Variants in CAGE1 observed in about 807,000 individuals in gnomAD.
CAGE1 encodes cancer-associated gene 1 protein.
CAGE1 carries 66 observed loss-of-function variants against 94.9 expected under a neutral mutation model. That is an observed-to-expected ratio of 0.70 (90% CI 0.57 to 0.85). The LOEUF is 0.85. Ranked by LOEUF, CAGE1 falls within the 40% of genes least tolerant of loss-of-function variation. The pLI, the probability that CAGE1 is intolerant of heterozygous loss-of-function variation, is 0.00. For missense variants in CAGE1, 865 were observed against 950.4 expected, an observed-to-expected ratio of 0.91 and a Z score of 1.18; for synonymous variants, 319 against 321.0, an observed-to-expected ratio of 0.99 and a Z score of 0.07.
intron 8 of CAGE1, 109 bp from the exon 9 acceptor site, chr6:7,365,684 A>C: frequency 7.1e-7 from 1 of 1,404,766 alleles, no homozygotes; most frequent in Non-Finnish European, 9.8e-7. Flanking sequence ...CAGTGGCTGG[A>C]ATAATAAAAG....
chr6:7,359,138 C>T (rs1466622138), intron 9 of CAGE1, among the ~76,000 whole-genome samples: 1 of 152,158 alleles, frequency 6.6e-6, no homozygotes, highest in African/African-American at 2.4e-5. Flanking sequence ...CCTCCTCCTC[C>T]CAGGTTCAAG....
intron 11 of CAGE1, among the ~76,000 whole-genome samples, chr6:7,345,380 C>T (rs186600913): frequency 6.6e-6 from 1 of 152,110 alleles, no homozygotes; most frequent in East Asian, 1.9e-4. Flanking sequence ...TCAGAAGGAA[C>T]AAACGCCAGA....
intron 9 of CAGE1, among the ~76,000 whole-genome samples, chr6:7,360,126 G>GTAGA (rs1760118352): frequency 6.6e-6 from 1 of 152,172 alleles, no homozygotes; most frequent in Non-Finnish European, 1.5e-5. Context: ...TGACATGTCT[G>GTAGA]GGAAAGGTCC....
At chr6:7,386,049 C>T (rs193166075) in intron 2 of CAGE1, among the ~76,000 whole-genome samples, 177 bp from the exon 3 acceptor site, 13 of 152,278 alleles carry the variant, frequency 8.5e-5, no homozygotes, top group Admixed American at 3.9e-4. Context: ...ACTATGCTAA[C>T]AGAGTCCCAA....
In CAGE1 at chr6:7,373,635, T is replaced by C. The variant is rs777980880; in HGVS notation, c.1184A>G (p.His395Arg). The change falls in exon 5 of 14, where the codon CAT becomes CGT. Residue 395 changes from histidine (H) to arginine (R), a missense_variant. Coordinates refer to ENST00000502583, the MANE Select transcript of CAGE1 (RefSeq NM_001170692.2). The stretch of plus-strand genomic sequence containing the variant: ...CTTGTCATTCCTGGATTCCTGAAGA[T>C]GTTTTTGCGTGTTAGCTAAAACCTC... Reference protein sequence around the residue: ...LEEVLANTQKHLQESRNDKEM... With the variant: ...LEEVLANTQKRLQESRNDKEM... The C allele has an allele frequency of 6.2e-7, 1 of 1,613,342 alleles. No homozygotes were observed.
intron 4 of CAGE1, among the ~76,000 whole-genome samples, chr6:7,378,076 TCTG>T (rs777428978): frequency 3.1e-4 from 47 of 152,374 alleles, no homozygotes; most frequent in Admixed American, 1.3e-3. Flanking sequence ...CAGTGTAAAC[TCTG>T]CTACTTCCAG....
chr6:7,375,901 A>G (rs1232857579), intron 4 of CAGE1, among the ~76,000 whole-genome samples: 18 of 152,182 alleles, frequency 1.2e-4, no homozygotes, highest in Non-Finnish European at 2.9e-5. Flanking sequence ...ACTGAGACCT[A>G]CAAGGCCCTA....
At chr6:7,344,402 C>G (rs2113374867) in intron 11 of CAGE1, among the ~76,000 whole-genome samples, 1 of 152,366 alleles carries the variant, frequency 6.6e-6, no homozygotes, top group African/African-American at 2.4e-5. Context: ...CCAGCAGTGC[C>G]AGCCCACCGG....
intron 11 of CAGE1, among the ~76,000 whole-genome samples, chr6:7,343,198 A>AAAAAAAAGAAAAGAAAAG (rs574460085): frequency 1.5e-5 from 2 of 137,360 alleles, no homozygotes; most frequent in South Asian, 2.3e-4. Context: ...CACAAAAAAA[A>AAAAAAAAGAAAAGAAAAG]AAAAGAAAAG....
chr6:7,389,156 CTA>C (rs1761244613), intron 1 of CAGE1, 44 bp downstream of exon 1: 1 of 422,058 alleles, frequency 2.4e-6, no homozygotes, highest in South Asian at 1.7e-5. Flanking sequence ...CTCGCAAAAA[CTA>C]TAGTTTTGTT....
At position 7,373,570 on chromosome 6, in the gene CAGE1, A is replaced by G; in HGVS notation, c.1249T>C (p.Tyr417His). 1 of 1,613,490 alleles carries G rather than the reference A, an allele frequency of 6.2e-7. No homozygotes were observed. Among genetic ancestry groups the G allele is most frequent in the Non-Finnish European group, 8.5e-7 (1 of 1,179,790 alleles). ...QLQFKKIKAN[Y>H]VCLQERYMTE... is the part of the protein sequence containing the mutation. ...ATGTACCTTTCCTGTAAACACACAT[A>G]ATTAGCCTTGATCTTCTTAAATTGA... Residue 417 changes from tyrosine (Y) to histidine (H), a missense_variant, in exon 5 of 14, where the codon TAT becomes CAT. Physicochemically the swap from Tyr to His is moderately conservative, Grantham distance 83. Coordinates refer to ENST00000502583, the MANE Select transcript of CAGE1 (RefSeq NM_001170692.2).
chr6:7,328,934 A>ATTTTT lies in CAGE1; in HGVS notation c.2478+910_2478+914dup, dbSNP rs869241612. On this transcript the variant is annotated intron_variant, in intron 13 of 13. Transcript: ENST00000502583. ...TGTGTGTGTGTATATATATATATATATTTTTTTTTTTTTTTGAGATAGAGT... is the reference window on the plus strand; with the variant it reads ...TGTGTGTGTGTATATATATATATATATTTTTTTTTTTTTTTTTTTTGAGATAGAGT... Among the ~76,000 whole-genome samples the ATTTTT allele has an allele frequency of 8.6e-3, 917 of 106,660 alleles. 27 individuals are homozygous for ATTTTT. Among genetic ancestry groups the ATTTTT allele is most frequent in the East Asian group, 0.03 (98 of 3,316 alleles). The allele number at this position is 106,660 out of a possible 152,430, so 70.0% of individuals were successfully genotyped here.
chr6:7,382,029 G>A lies in CAGE1; in HGVS notation c.284-3009C>T, dbSNP rs533215551. Among the ~76,000 whole-genome samples the A allele has an allele frequency of 3.2e-4, 48 of 151,364 alleles. 1 individual carries two copies. In the South Asian group the frequency reaches 8.6e-3, roughly 27 times the overall value. ...TAATTTTTGTATTTTTGGTAGAGAC[G>A]GGGTTTCACCGTGTTAGCCAGGATT... On this transcript the variant is annotated intron_variant, in intron 3 of 13. Transcript: ENST00000502583.
intron 2 of CAGE1, among the ~76,000 whole-genome samples, chr6:7,386,369 A>T (rs1051742579): frequency 6.6e-6 from 1 of 152,138 alleles, no homozygotes; most frequent in African/African-American, 2.4e-5. Flanking sequence ...ACAATCTTTT[A>T]TTTTTTAATA....
At chr6:7,370,656 A>G in intron 5 of CAGE1, among the ~76,000 whole-genome samples, 1 of 152,192 alleles carries the variant, frequency 6.6e-6, no homozygotes. Flanking sequence ...TTGTGAAAAG[A>G]ATGGCACTGC....
At chr6:7,355,240 C>T in intron 10 of CAGE1, 129 bp from the exon 11 acceptor site, 2 of 574,172 alleles carry the variant, frequency 3.5e-6, no homozygotes, top group Non-Finnish European at 6.2e-6. Context: ...AAAACACTTT[C>T]CTTACATTTT....
intron 13 of CAGE1, among the ~76,000 whole-genome samples, chr6:7,327,476 G>T (rs760933028): frequency 6.6e-6 from 1 of 152,084 alleles, no homozygotes; most frequent in Non-Finnish European, 1.5e-5. Context: ...ATTTTTGTTT[G>T]TTTGTTTCAA....
At chr6:7,354,735 A>C (rs1759893312) in intron 11 of CAGE1, among the ~76,000 whole-genome samples, 1 of 152,170 alleles carries the variant, frequency 6.6e-6, no homozygotes, top group Non-Finnish European at 1.5e-5. Flanking sequence ...ATTTCTAAGC[A>C]CTACAAGATT....
At chr6:7,381,280 G>A (rs1416636595) in intron 3 of CAGE1, among the ~76,000 whole-genome samples, 1 of 152,176 alleles carries the variant, frequency 6.6e-6, no homozygotes, top group Non-Finnish European at 1.5e-5. Flanking sequence ...CCTTATAAGA[G>A]GAGGAAGAGA....
Sources: gnomAD v4.1 joint callset for allele counts (sites outside exome capture counted in the v4.1 genomes callset) on GRCh38, gnomAD v4.1.1 for gene constraint, MANE v1.5 for transcripts, NCBI Gene and HGNC (gene_info 2026-07-23, HGNC 2026-07-21) for gene names.